NEDD4: variants seen among roughly 807,000 people sequenced by gnomAD.
The protein encoded by NEDD4 is NEDD4 E3 ubiquitin protein ligase.
In NEDD4, 99 loss-of-function variants were observed where a neutral mutation model predicts 144.9. The ratio of observed to expected loss-of-function variants is 0.68; its 90% CI spans 0.58 to 0.81. The LOEUF (loss-of-function observed/expected upper bound fraction) is 0.81, where lower values mean the gene tolerates loss of function less well. Among genes scored for constraint, NEDD4 ranks in the 30% least tolerant of loss-of-function variants. The pLI is 0.00. For missense variants in NEDD4, 985 were observed against 1,065.9 expected, an observed-to-expected ratio of 0.92 and a Z score of 1.06; for synonymous variants, 318 against 350.6, an observed-to-expected ratio of 0.91 and a Z score of 1.04.
chr15:55,952,995 T>TC (rs2037271361), intron 2 of NEDD4, among the ~76,000 whole-genome samples: 1 of 151,144 alleles, frequency 6.6e-6, no homozygotes, highest in African/African-American at 2.4e-5. Context: ...TCTTTTTTTT[T>TC]TTCTTTTTTT....
chr15:55,936,277 C>T (rs1421751647), intron 4 of NEDD4, among the ~76,000 whole-genome samples: 1 of 152,052 alleles, frequency 6.6e-6, no homozygotes, highest in African/African-American at 2.4e-5. Context: ...CCATACTAGA[C>T]AGTAAGTTTC....
chr15:55,915,271 A>G, intron 5 of NEDD4: 3 of 1,544,296 alleles, frequency 1.9e-6, no homozygotes, highest in Non-Finnish European at 2.6e-6. Context: ...TACCAAGACC[A>G]AAGGAAACTT....
At chr15:55,972,686 G>T (rs756520692) in intron 1 of NEDD4, among the ~76,000 whole-genome samples, 2 of 152,100 alleles carry the variant, frequency 1.3e-5, no homozygotes, top group Non-Finnish European at 2.9e-5. Flanking sequence ...CCAATCAAAA[G>T]ACATAGAGTG....
chr15:55,927,568 T>C (rs2036699088), intron 4 of NEDD4, among the ~76,000 whole-genome samples: 2 of 152,172 alleles, frequency 1.3e-5, no homozygotes, highest in Admixed American at 1.3e-4. Context: ...AGAATATTTT[T>C]GCATTAGACA....
chr15:55,848,760 A>G (rs1482742727), intron 15 of NEDD4, 46 bp downstream of exon 15: 1 of 1,550,956 alleles, frequency 6.4e-7, no homozygotes, highest in Non-Finnish European at 8.9e-7. Context: ...AATGCAAAAT[A>G]TTTGAGATAG....
intron 1 of NEDD4, among the ~76,000 whole-genome samples, chr15:55,991,599 A>C (rs1418743021): frequency 6.6e-6 from 1 of 152,226 alleles, no homozygotes; most frequent in African/African-American, 2.4e-5. Flanking sequence ...TCCCTTCCTC[A>C]ATGTGGACAA....
At chr15:55,905,198 A>G in intron 5 of NEDD4, 2 of 444,678 alleles carry the variant, frequency 4.5e-6, no homozygotes, top group Non-Finnish European at 9.0e-6. Flanking sequence ...TATCACTTTT[A>G]AGACATATTT....
intron 4 of NEDD4, among the ~76,000 whole-genome samples, chr15:55,938,430 C>A (rs2036933839): frequency 6.6e-6 from 1 of 151,946 alleles, no homozygotes. Flanking sequence ...AGAAATTGAC[C>A]CTTATCTTAA....
At chr15:55,884,157 G>A (rs928479511) in intron 5 of NEDD4, among the ~76,000 whole-genome samples, 2 of 152,088 alleles carry the variant, frequency 1.3e-5, no homozygotes, top group East Asian at 1.9e-4. Flanking sequence ...TGGGATTACA[G>A]GCATGAGCCA....
intron 14 of NEDD4, among the ~76,000 whole-genome samples, chr15:55,849,388 C>T (rs1374312931): frequency 6.6e-6 from 1 of 152,044 alleles, no homozygotes; most frequent in Non-Finnish European, 1.5e-5. Context: ...CCATGCCTAG[C>T]TAATTTTTGT....
chr15:55,953,831 C>T (rs910241829), intron 2 of NEDD4, among the ~76,000 whole-genome samples: 1 of 152,198 alleles, frequency 6.6e-6, no homozygotes, highest in Non-Finnish European at 1.5e-5. Flanking sequence ...AGCAATTCTC[C>T]TGCCTCAGCC....
intron 4 of NEDD4, among the ~76,000 whole-genome samples, chr15:55,951,037 T>A (rs1440718330): frequency 2.0e-5 from 3 of 152,214 alleles, no homozygotes; most frequent in African/African-American, 7.2e-5. Flanking sequence ...TGCATTCACT[T>A]GATAGGCCCT....
intron 2 of NEDD4, among the ~76,000 whole-genome samples, chr15:55,958,669 T>C (rs752895149): frequency 2.0e-5 from 3 of 152,146 alleles, no homozygotes; most frequent in Non-Finnish European, 2.9e-5. Context: ...TTCAATTTCT[T>C]TTAACAACAA....
At chr15:55,904,238 A>G (rs2036011400) in intron 5 of NEDD4, among the ~76,000 whole-genome samples, 1 of 152,174 alleles carries the variant, frequency 6.6e-6, no homozygotes, top group Non-Finnish European at 1.5e-5. Flanking sequence ...TGAACATCCA[A>G]TATTAAACTC....
chr15:55,872,367 G>C, intron 7 of NEDD4, 48 bp downstream of exon 7: 1 of 871,518 alleles, frequency 1.1e-6, no homozygotes, highest in Non-Finnish European at 1.7e-6. Context: ...AAGGTGTAAT[G>C]AAGAGATAAA....
At chr15:55,864,525 T>C (rs2034519214) in intron 8 of NEDD4, among the ~76,000 whole-genome samples, 1 of 151,352 alleles carries the variant, frequency 6.6e-6, no homozygotes, top group African/African-American at 2.4e-5. Context: ...CTACTAAAAA[T>C]ACAAAATTAG....
chr15:55,833,107 G>A lies in NEDD4; in HGVS notation c.2431-3C>T. ...TCTGAATCCATCATTAAAACAGCCT[G>A]AATAAGATAAAAACATCATTTAGGG... On this transcript the variant is annotated splice_polypyrimidine_tract_variant and splice_region_variant and intron_variant, in intron 26 of 28. Coordinates refer to ENST00000435532, the MANE Select transcript of NEDD4 (RefSeq NM_006154.4). The A allele has an allele frequency of 6.3e-7, 1 of 1,593,614 alleles. No individual in the cohort carries two copies. The highest frequency in any genetic ancestry group is 8.6e-7 in the Non-Finnish European group (1 of 1,163,514).
chr15:55,931,514 GA>G (rs1292724677), intron 4 of NEDD4, among the ~76,000 whole-genome samples: 2 of 150,904 alleles, frequency 1.3e-5, no homozygotes, highest in African/African-American at 2.4e-5. Flanking sequence ...GGCAAAAGCA[GA>G]AAAAAAATAA....
Position 55,948,564 on chromosome 15 carries a change from C to A in NEDD4, c.237+2812G>T, listed in dbSNP as rs191522972. On this transcript the variant is annotated intron_variant, in intron 4 of 28. Transcript: ENST00000435532. ...CCTGACTTCAAACTATACTACAAGG[C>A]TACAGTAACCAAAACAGCATGGTAC... is the stretch of plus-strand genomic sequence containing the variant. Among the ~76,000 whole-genome samples, 16 of 152,236 alleles carry A rather than the reference C, an allele frequency of 1.1e-4. No individual in the cohort carries two copies. In the South Asian group the frequency reaches 1.9e-3, roughly 18 times the overall value.
Sources: gnomAD v4.1 joint callset for allele counts (sites outside exome capture counted in the v4.1 genomes callset) on GRCh38, gnomAD v4.1.1 for gene constraint, MANE v1.5 for transcripts, NCBI Gene and HGNC (gene_info 2026-07-23, HGNC 2026-07-21) for gene names.